CDC20B: variants seen among roughly 807,000 people sequenced by gnomAD.
The protein encoded by CDC20B is cell division cycle 20B.
A neutral mutation model predicts 64.1 loss-of-function variants in CDC20B; 58 were observed. The observed-to-expected ratio is 0.90, with a 90% CI of 0.73 to 1.13. The LOEUF (loss-of-function observed/expected upper bound fraction) is 1.13. Ranked by LOEUF, CDC20B falls within the 50% of genes most tolerant of loss-of-function variation. The pLI is 0.00. For missense variants in CDC20B, 597 were observed against 633.0 expected (o/e 0.94, Z 0.61); for synonymous variants, 243 against 230.6 (o/e 1.05, Z -0.49).
intron 2 of CDC20B, chr5:55,165,122 C>T (rs1002058121): frequency 1.3e-5 from 2 of 152,154 alleles, no homozygotes; most frequent in East Asian, 3.8e-4. Flanking sequence ...GGGAGGAATT[C>T]AATGCTGCAT....
intron 7 of CDC20B, 124 bp from the exon 8 acceptor site, chr5:55,127,475 C>T (rs974878279): frequency 1.1e-5 from 8 of 722,436 alleles, no homozygotes; most frequent in African/African-American, 7.0e-5. Flanking sequence ...AAACCCAGCA[C>T]ATCTAGCCAG....
intron 6 of CDC20B, among the ~76,000 whole-genome samples, chr5:55,130,893 G>A (rs140602628): frequency 2.0e-5 from 3 of 152,164 alleles, no homozygotes; most frequent in African/African-American, 7.2e-5. Flanking sequence ...GGCCAAGGTG[G>A]GAGGATCACT....
chr5:55,152,994 T>C (rs999478218), intron 2 of CDC20B, among the ~76,000 whole-genome samples: 2 of 152,078 alleles, frequency 1.3e-5, no homozygotes, highest in African/African-American at 4.8e-5. Context: ...ATCCCAGCAC[T>C]TGGGGAGGCC....
intron 11 of CDC20B, among the ~76,000 whole-genome samples, chr5:55,116,292 A>G (rs926164702): frequency 2.0e-5 from 3 of 152,196 alleles, no homozygotes; most frequent in Non-Finnish European, 4.4e-5. Context: ...AGTCCCAGCT[A>G]CTCAGGAGGG....
At chr5:55,131,010 T>C (rs1446492723) in intron 6 of CDC20B, among the ~76,000 whole-genome samples, 2 of 151,968 alleles carry the variant, frequency 1.3e-5, no homozygotes, top group Non-Finnish European at 2.9e-5. Flanking sequence ...TGGGCCCAGC[T>C]ACTTGGGAGG....
At chr5:55,165,124 A>G (rs1335012372) in intron 2 of CDC20B, 2 of 152,220 alleles carry the variant, frequency 1.3e-5, no homozygotes, top group Non-Finnish European at 2.9e-5. Context: ...GAGGAATTCA[A>G]TGCTGCATCA....
At chr5:55,155,282 G>T (rs901910307) in intron 2 of CDC20B, among the ~76,000 whole-genome samples, 1 of 152,162 alleles carries the variant, frequency 6.6e-6, no homozygotes, top group African/African-American at 2.4e-5. Context: ...GTAGCAGAAT[G>T]AAACAACTGA....
chr5:55,119,859 G>C lies in CDC20B; in HGVS notation c.1401C>G (p.Pro467=). 6.2e-7 allele frequency: 1 copy of C among 1,614,038 alleles called. No individual in the cohort carries two copies. The highest frequency in any genetic ancestry group is 1.1e-5 in the South Asian group (1 of 91,066). Residue 467 remains proline (P), a synonymous_variant, in exon 11 of 12, where the codon CCC becomes CCG. Transcript: ENST00000381375. ...TKEIATGQGT[P]KNDVTVWTCP... ...AGGTCCACACAGTCACATCATTCTT[G>C]GGAGTACCTTGACCAGTTGCAATCT... is the stretch of plus-strand genomic sequence containing the variant.
At chr5:55,138,813 C>A (rs796866630) in intron 5 of CDC20B, among the ~76,000 whole-genome samples, 18 of 148,354 alleles carry the variant, frequency 1.2e-4, no homozygotes, top group African/African-American at 4.5e-4. Context: ...AGTTTCATAG[C>A]GAGGTTGGTG....
intron 8 of CDC20B, 121 bp downstream of exon 8, chr5:55,127,136 C>T: frequency 1.2e-6 from 1 of 814,496 alleles, no homozygotes; most frequent in Non-Finnish European, 2.0e-6. Flanking sequence ...GATATTAAGT[C>T]CAATGGCCTA....
chr5:55,126,466 CAAA>C (rs34581363), intron 8 of CDC20B: 1,790 of 97,974 alleles, frequency 0.018, 2 homozygotes, highest in South Asian at 0.053. Context: ...GATTCCATGT[CAAA>C]AAAAAAAAAA....
rs930987402 is a variant in CDC20B at position 55,146,700 on chromosome 5, A to C, written c.283T>G (p.Ser95Ala). The change falls in exon 3 of 12, where the codon TCA becomes GCA. Residue 95 changes from serine (S) to alanine (A), a missense_variant. Transcript: ENST00000381375. ...GAAGCTTCTGGGAGGTAGGTGGTTG[A>C]CTGCTCTTCCCCAAAGGAATCAGAG... ...LSSDSFGEEQ[S>A]TTYLPEASGS... 2 of 1,614,036 alleles carry C rather than the reference A, an allele frequency of 1.2e-6. No homozygotes were observed. Among genetic ancestry groups the C allele is most frequent in the Non-Finnish European group, 1.7e-6 (2 of 1,180,028 alleles).
chr5:55,143,449 T>C, intron 4 of CDC20B, 64 bp downstream of exon 4: 3 of 1,482,276 alleles, frequency 2.0e-6, no homozygotes, highest in South Asian at 2.9e-5. Context: ...TTCCCTTACA[T>C]TTGCAACTAA....
At chr5:55,141,307 G>A (rs1743322108) in intron 4 of CDC20B, among the ~76,000 whole-genome samples, 1 of 152,128 alleles carries the variant, frequency 6.6e-6, no homozygotes, top group African/African-American at 2.4e-5. Flanking sequence ...TTCTTTCTCT[G>A]GGCACGAGCA....
intron 8 of CDC20B, 30 bp from the exon 9 acceptor site, chr5:55,125,058 C>T: frequency 6.4e-7 from 1 of 1,564,062 alleles, no homozygotes. Context: ...AAAAATTAAG[C>T]CCTGTTGCTA....
chr5:55,161,206 G>A (rs1485796585), intron 2 of CDC20B: 1 of 1,614,140 alleles, frequency 6.2e-7, no homozygotes. Context: ...TCTTCCACAA[G>A]ATTAAGATTC....
intron 2 of CDC20B, 67 bp from the exon 3 acceptor site, chr5:55,146,923 A>G: frequency 1.8e-6 from 2 of 1,123,628 alleles, no homozygotes; most frequent in South Asian, 2.7e-5. Context: ...AATTCCCTAT[A>G]AGAGAATTAC....
In CDC20B at chr5:55,119,896, G is replaced by A; in HGVS notation, c.1364C>T (p.Pro455Leu). ...ACCAGTTGCAATCTCCTTTGTCTTA[G>A]GTAGCCAGATTAAGGAACAAATCTG... ...NSQICSLIWL[P>L]KTKEIATGQG... The change falls in exon 11 of 12, where the codon CCT becomes CTT. Residue 455 changes from proline (P) to leucine (L), a missense_variant. Physicochemically the swap from Pro to Leu is moderately conservative, Grantham distance 98. Coordinates refer to ENST00000381375, the MANE Select transcript of CDC20B (RefSeq NM_001170402.1). 1 of 1,612,812 alleles carries A rather than the reference G, an allele frequency of 6.2e-7. No individual in the cohort carries two copies. Among genetic ancestry groups the A allele is most frequent in the Admixed American group, 1.7e-5 (1 of 60,016 alleles).
chr5:55,164,388 G>A, intron 2 of CDC20B: 1 of 405,146 alleles, frequency 2.5e-6, no homozygotes, highest in Non-Finnish European at 4.3e-6. Context: ...GCTATTAAAT[G>A]TGGCAATGAA....
Sources: allele counts gnomAD v4.1 joint callset (sites outside exome capture counted in the v4.1 genomes callset), GRCh38; gene constraint gnomAD v4.1.1; transcripts MANE v1.5; gene names NCBI Gene and HGNC (gene_info 2026-07-23, HGNC 2026-07-21).